RHBDD3: variants seen among roughly 807,000 people sequenced by gnomAD.
The protein encoded by RHBDD3 is rhomboid domain containing 3, also known as rhomboid domain-containing protein 3.
In RHBDD3, 34 loss-of-function variants were observed where a neutral mutation model predicts 32.3. The observed-to-expected ratio is 1.05, with a 90% CI of 0.80 to 1.40. The LOEUF (loss-of-function observed/expected upper bound fraction) is 1.40. RHBDD3 is among the 40% of genes most tolerant of loss of function. The pLI, the probability that RHBDD3 is intolerant of heterozygous loss-of-function variation, is 0.00. For missense variants in RHBDD3, 482 were observed against 492.6 expected (o/e 0.98, Z 0.20); for synonymous variants, 249 against 239.1 (o/e 1.04, Z -0.38).
At chr22:29,266,385 T>G (rs1403326048) in intron 2 of RHBDD3, among the ~76,000 whole-genome samples, 1 of 152,176 alleles carries the variant, frequency 6.6e-6, no homozygotes, top group Non-Finnish European at 1.5e-5. Context: ...CTCTCCTTTC[T>G]CATCTGTAAA....
chr22:29,260,626 G>T lies in RHBDD3; in HGVS notation c.696-13C>A. On this transcript the variant is annotated splice_polypyrimidine_tract_variant and intron_variant, in intron 5 of 6. Coordinates refer to ENST00000216085, the MANE Select transcript of RHBDD3 (RefSeq NM_012265.3). ...AGGGATGGGAGGCCTGGAGGAGTGGGAAGAGAAGAGGGCCTGACTGGCAGC... is the reference window on the plus strand; with the variant it reads ...AGGGATGGGAGGCCTGGAGGAGTGGTAAGAGAAGAGGGCCTGACTGGCAGC... The T allele has an allele frequency of 6.3e-7, 1 of 1,576,678 alleles. No individual in the cohort carries two copies.
At chr22:29,263,747 C>G (rs556052751) in intron 4 of RHBDD3, 88 bp downstream of exon 4, 2 of 1,447,444 alleles carry the variant, frequency 1.4e-6, no homozygotes, top group South Asian at 1.5e-5. Flanking sequence ...ATTGCTTGGG[C>G]CTTCACCCCT....
rs200731513 is a variant in RHBDD3, at chr22:29,265,518, G to A, written c.109C>T (p.Leu37=). Residue 37 remains leucine, a synonymous_variant, in exon 3 of 7, where the codon CTG becomes TTG. Coordinates refer to ENST00000216085, the MANE Select transcript of RHBDD3 (RefSeq NM_012265.3). The part of the protein sequence containing the change: ...TLWLVGAGPG[L]VLAPELLLDP... The stretch of plus-strand genomic sequence containing the variant: ...AGCAACAGCTCCGGGGCCAGGACCA[G>A]GCCGGGGCCGGCCCCCACCAGCCAC... The A allele has an allele frequency of 1.9e-6, 3 of 1,570,530 alleles. No individual in the cohort carries two copies. The highest frequency in any genetic ancestry group is 2.0e-5 in the Admixed American group (1 of 50,634).
intron 2 of RHBDD3, among the ~76,000 whole-genome samples, chr22:29,266,526 C>G (rs1053533313): frequency 1.3e-4 from 20 of 152,260 alleles, no homozygotes; most frequent in Non-Finnish European, 2.4e-4. Context: ...GCGTCTGTAG[C>G]CACCAACTGG....
intron 4 of RHBDD3, among the ~76,000 whole-genome samples, chr22:29,263,260 G>C (rs968639090): frequency 7.2e-5 from 11 of 152,378 alleles, no homozygotes; most frequent in African/African-American, 2.4e-4. Context: ...GGCCAGGCTA[G>C]TCTCGAACTC....
intron 3 of RHBDD3, 48 bp downstream of exon 3, chr22:29,265,431 T>C (rs771096304): frequency 3.4e-6 from 5 of 1,457,448 alleles, no homozygotes; most frequent in East Asian, 2.6e-5. Flanking sequence ...GCCCAGGCCC[T>C]ACAGCAAGTC....
Position 29,265,564 on chromosome 22 carries a change from CAGG to C in RHBDD3, c.60_62del (p.Leu21del). 6.3e-7 allele frequency: 1 copy of C among 1,589,760 alleles called. No homozygotes were observed. The highest frequency in any genetic ancestry group is 8.5e-7 in the Non-Finnish European group (1 of 1,171,220). On this transcript the variant is annotated inframe_deletion, in exon 3 of 7. Transcript: ENST00000216085. ...GCCACAGGGTGCTCATCAGCAGCAT[CAGG>C]ACTGAGGAGGCCAGAGGCAGTGCTG...
Position 29,264,087 on chromosome 22 carries a change from C to G in RHBDD3, c.280G>C (p.Ala94Pro), listed in dbSNP as rs1463484029. 1 of 1,585,146 alleles carries G rather than the reference C, an allele frequency of 6.3e-7. No homozygotes were observed. Among genetic ancestry groups the G allele is most frequent in the Non-Finnish European group, 8.6e-7 (1 of 1,167,102 alleles). Residue 94 changes from alanine to proline, a missense_variant, in exon 4 of 7, where the codon GCC becomes CCC. By Grantham distance (27) the Ala-to-Pro change is conservative. Coordinates refer to ENST00000216085, the MANE Select transcript of RHBDD3 (RefSeq NM_012265.3). ...AGCCCAGAAGCCAGGGCGAGCAGGG[C>G]TGAGGCATGCAGGAATCTCAGCGTG... ...LGTLRFLHAS[A>P]LLALASGLLA...
At position 29,263,818 on chromosome 22, in the gene RHBDD3, G is replaced by T; in HGVS notation, c.532+17C>A. 6.6e-7 allele frequency: 1 copy of T among 1,503,766 alleles called. No homozygotes were observed. The highest frequency in any genetic ancestry group is 8.9e-7 in the Non-Finnish European group (1 of 1,119,632). 93.2% of individuals were successfully genotyped at this position (1,503,766 alleles called of 1,614,324 possible). ...ACCCACACATCCCCACGGGCCCTGG[G>T]CTCAGGCAAAGGATACAGGCCAGGC... On this transcript the variant is annotated intron_variant, in intron 4 of 6. Coordinates refer to ENST00000216085, the MANE Select transcript of RHBDD3 (RefSeq NM_012265.3).
chr22:29,265,805 A>G (rs967460664), intron 2 of RHBDD3, 137 bp from the exon 3 acceptor site: 10 of 803,924 alleles, frequency 1.2e-5, no homozygotes, highest in Middle Eastern at 7.5e-4. Flanking sequence ...GCTTGGCCTT[A>G]GTGGAGCTCA....
At chr22:29,264,892 C>T (rs1210313319) in intron 3 of RHBDD3, 2 of 152,312 alleles carry the variant, frequency 1.3e-5, no homozygotes, top group Non-Finnish European at 2.9e-5. Context: ...ATTCTCCTGC[C>T]TCAGCCTCTC....
chr22:29,263,973 C>T lies in RHBDD3; in HGVS notation c.394G>A (p.Glu132Lys), dbSNP rs2058148945. ...MPVHLAMLAG[E>K]GHRPRRPRGA... ...CGGGGCCGTCTAGGGCGGTGTCCCT[C>T]CCCAGCCAGCATGGCCAGGTGGACA... Residue 132 changes from glutamate (E) to lysine (K), a missense_variant, in exon 4 of 7, where the codon GAG (glutamate) becomes AAG (lysine). Glu to Lys is a moderately conservative substitution (Grantham distance 56, BLOSUM62 1). Coordinates refer to ENST00000216085, the MANE Select transcript of RHBDD3 (RefSeq NM_012265.3). 1 of 1,551,182 alleles carries T rather than the reference C, an allele frequency of 6.4e-7. No homozygotes were observed. The highest frequency in any genetic ancestry group is 1.7e-4 in the Middle Eastern group (1 of 5,956).
At chr22:29,265,828 T>C (rs763933426) in intron 2 of RHBDD3, among the ~76,000 whole-genome samples, 160 bp from the exon 3 acceptor site, 8 of 152,120 alleles carry the variant, frequency 5.3e-5, no homozygotes, top group Non-Finnish European at 1.2e-4. Context: ...CCCTAACCCA[T>C]GCGCTCATAA....
chr22:29,265,787 G>T, intron 2 of RHBDD3, 119 bp from the exon 3 acceptor site: 1 of 1,047,724 alleles, frequency 9.5e-7, no homozygotes, highest in Non-Finnish European at 1.3e-6. Context: ...GGAGACGCAG[G>T]CCCAGCAGCT....
rs908758132 is a variant in RHBDD3 at position 29,266,485 on chromosome 22, A to G, written c.-42-817T>C. 2.6e-5 allele frequency among the ~76,000 whole-genome samples: 4 copies of G among 152,334 alleles called. No homozygotes were observed. The South Asian group carries it at 6.2e-4, about 24-fold the overall frequency. On this transcript the variant is annotated intron_variant, in intron 2 of 6. Coordinates refer to ENST00000216085, the MANE Select transcript of RHBDD3 (RefSeq NM_012265.3). ...CCCTGGCCCACAACTCTTCCTCCAT[A>G]AACCATAGCAATCCGCACTAATCAT... is the stretch of plus-strand genomic sequence containing the variant.
chr22:29,264,393 G>A lies in RHBDD3; in HGVS notation c.149-175C>T, dbSNP rs946959808. ...TTAATCATTGGTGGAAGGGACCAAG[G>A]ACTTCCAAACACTGTGGCTACGCCT... On this transcript the variant is annotated intron_variant, in intron 3 of 6. Transcript: ENST00000216085. 15 of 1,424,444 alleles carry A rather than the reference G, an allele frequency of 1.1e-5. No individual in the cohort carries two copies. The African/African-American group carries it at 2.0e-4, about 19-fold the overall frequency. The allele number at this position is 1,424,444 out of a possible 1,614,324, so 88.2% of individuals were successfully genotyped here. A position where few individuals can be genotyped will look rare whatever the true frequency, so the allele number is the denominator to read the frequency against.
Position 29,264,219 on chromosome 22 carries a change from C to G in RHBDD3, c.149-1G>C, listed in dbSNP as rs371576367. 6.6e-6 allele frequency: 10 copies of G among 1,526,122 alleles called. No homozygotes were observed. The African/African-American group carries it at 1.1e-4, about 17-fold the overall frequency. 94.5% of individuals were successfully genotyped at this position (1,526,122 alleles called of 1,614,324 possible). A position where few individuals can be genotyped will look rare whatever the true frequency, so the allele number is the denominator to read the frequency against. ...AGGGCATGGGTCAGCAGCCGGTGCA[C>G]TGGGAGAGAGAAGGGGCTTATGTGC... On this transcript the variant is annotated splice_acceptor_variant, in intron 3 of 6. Coordinates refer to ENST00000216085, the MANE Select transcript of RHBDD3 (RefSeq NM_012265.3). LOFTEE classifies it high-confidence loss of function.
chr22:29,260,683 TC>T lies in RHBDD3; in HGVS notation c.695+18del, dbSNP rs35125319. 61 of 1,552,870 alleles carry T rather than the reference TC, an allele frequency of 3.9e-5. No individual in the cohort carries two copies. The African/African-American group carries it at 5.6e-4, about 14-fold the overall frequency. On this transcript the variant is annotated intron_variant, in intron 5 of 6. Coordinates refer to ENST00000216085, the MANE Select transcript of RHBDD3 (RefSeq NM_012265.3). ...ACAGTGCCCACCACCTGGACTGGCA[TC>T]CCCCCCATCACCCTCACCTCACTCC...
At position 29,263,881 on chromosome 22, in the gene RHBDD3, C is replaced by G. The variant is rs1319145116; in HGVS notation, c.486G>C (p.Glu162Asp). 6.5e-7 allele frequency: 1 copy of G among 1,547,910 alleles called. No homozygotes were observed. The highest frequency in any genetic ancestry group is 2.0e-5 in the Admixed American group (1 of 50,892). Residue 162 changes from glutamate to aspartate, a missense_variant, in exon 4 of 7, where the codon GAG becomes GAC. By Grantham distance (45) the Glu-to-Asp change is conservative. Transcript: ENST00000216085. ...CGCAAAGGAGCTGCAGGAAGGGTGG[C>G]TCAGAGCTGAGCAGTGGGGTCAGGG... ...LLALTPLLSSEPPFLQLLCGL... is the reference protein window; with the variant it reads ...LLALTPLLSSDPPFLQLLCGL...
Sources: gnomAD v4.1 joint callset for allele counts (sites outside exome capture counted in the v4.1 genomes callset) on GRCh38, gnomAD v4.1.1 for gene constraint, MANE v1.5 for transcripts, NCBI Gene and HGNC (gene_info 2026-07-23, HGNC 2026-07-21) for gene names.